CTU2: variants seen among roughly 807,000 people sequenced by gnomAD.
CTU2 encodes cytoplasmic tRNA 2-thiolation protein 2.
In CTU2, 80 loss-of-function variants were observed where a neutral mutation model predicts 64.1. The observed-to-expected ratio is 1.25, with a 90% CI of 1.04 to 1.50. The LOEUF (loss-of-function observed/expected upper bound fraction) is 1.50, where lower values mean the gene tolerates loss of function less well. CTU2 is among the 40% of genes most tolerant of loss of function. CTU2 has a pLI of 0.00. For synonymous variants in CTU2, 482 were observed against 285.3 expected (o/e 1.69, Z -6.95); for missense variants, 1,110 against 690.2 (o/e 1.61, Z -6.81).
intron 1 of CTU2, 66 bp from the exon 2 acceptor site, chr16:88,707,070 A>G (rs1910918379): frequency 6.6e-7 from 1 of 1,509,112 alleles, no homozygotes; most frequent in Non-Finnish European, 9.2e-7. Flanking sequence ...TGTCTCCCCA[A>G]AGCCCACTAG....
In CTU2 at chr16:88,714,891, C is replaced by G. The variant is rs755717100; in HGVS notation, c.1384C>G (p.Leu462Val). ...EDPQACIEEQ[L>V]CYSCRVNMKD... is the part of the protein sequence containing the mutation. ...CCCCCAAGCCTGCATTGAGGAGCAG[C>G]TGTGCTACAGCTGCCGCGTGAACAT... Residue 462 changes from leucine to valine, a missense_variant, in exon 13 of 15, where the codon CTG becomes GTG. Leu to Val is a conservative substitution (Grantham distance 32). Transcript: ENST00000453996. 6.2e-7 allele frequency: 1 copy of G among 1,612,540 alleles called. No individual in the cohort carries two copies. The highest frequency in any genetic ancestry group is 2.2e-5 in the East Asian group (1 of 44,898).
Position 88,709,917 on chromosome 16 carries a change from C to T in CTU2, c.144-21C>T, listed in dbSNP as rs750600769. On this transcript the variant is annotated intron_variant, in intron 2 of 14. Coordinates refer to ENST00000453996, the MANE Select transcript of CTU2 (RefSeq NM_001012759.3). ...CTGTGCGGGTAGCAGGCGGTTCCCT[C>T]ATCTCAGGTCTGTGTTGCAGGGACT... 31 of 1,610,742 alleles carry T rather than the reference C, an allele frequency of 1.9e-5. No individual in the cohort carries two copies. In the Admixed American group the frequency reaches 3.5e-4, roughly 18 times the overall value.
intron 9 of CTU2, 33 bp downstream of exon 9, chr16:88,713,811 C>G (rs376234801): frequency 5.6e-6 from 9 of 1,611,116 alleles, no homozygotes; most frequent in Non-Finnish European, 7.6e-6. Flanking sequence ...CCTCTCTCAC[C>G]ATTGACACCG....
intron 4 of CTU2, 44 bp from the exon 5 acceptor site, chr16:88,711,591 T>A: frequency 6.5e-7 from 1 of 1,547,076 alleles, no homozygotes; most frequent in Non-Finnish European, 8.8e-7. Context: ...AAGTGTCCTG[T>A]GGCTTATGGC....
chr16:88,707,299 T>G (rs1910948627), intron 2 of CTU2, 89 bp downstream of exon 2: 1 of 1,217,324 alleles, frequency 8.2e-7, no homozygotes, highest in Admixed American at 1.7e-5. Context: ...GTTAATTCTT[T>G]TTAAAAACAT....
At chr16:88,709,633 C>G (rs1911158783) in intron 2 of CTU2, 2 of 410,360 alleles carry the variant, frequency 4.9e-6, no homozygotes, top group Non-Finnish European at 8.9e-6. Flanking sequence ...CCAGCTGGGC[C>G]CTTCTGAGCG....
chr16:88,714,893 G>A lies in CTU2; in HGVS notation c.1386G>A (p.Leu462=), dbSNP rs1472328746. ...CCCAAGCCTGCATTGAGGAGCAGCT[G>A]TGCTACAGCTGCCGCGTGAACATGA... ...EDPQACIEEQ[L]CYSCRVNMKD... Residue 462 remains leucine, a synonymous_variant, in exon 13 of 15, where the codon CTG becomes CTA. Transcript: ENST00000453996. The A allele has an allele frequency of 3.1e-6, 5 of 1,612,674 alleles. No individual in the cohort carries two copies. The highest frequency in any genetic ancestry group is 1.7e-5 in the Admixed American group (1 of 60,022).
At chr16:88,710,361 G>A (rs1911218908) in intron 4 of CTU2, 79 bp downstream of exon 4, 1 of 1,495,632 alleles carries the variant, frequency 6.7e-7, no homozygotes, top group Non-Finnish European at 9.3e-7. Flanking sequence ...GCCTGCTGAG[G>A]GGCTCTTGGT....
rs1461194990 is a variant in CTU2, at chr16:88,709,975, G to A, written c.181G>A (p.Ala61Thr). 3 of 1,613,894 alleles carry A rather than the reference G, an allele frequency of 1.9e-6. No homozygotes were observed. The highest frequency in any genetic ancestry group is 2.7e-5 in the African/African-American group (2 of 74,944). ...GGCCTTCTACGTCCACAAGTTCAGA[G>A]CCATGCTGGGCAAGAACCGGCTCAT... ...FKAFYVHKFR[A>T]MLGKNRLIFP... is the part of the protein sequence containing the mutation. Residue 61 changes from alanine (A) to threonine (T), a missense_variant, in exon 3 of 15, where the codon GCC becomes ACC. Physicochemically the swap from Ala to Thr is moderately conservative, Grantham distance 58 (BLOSUM62 0). Transcript: ENST00000453996.
At chr16:88,715,157 G>A (rs756033165) in intron 14 of CTU2, 25 bp from the exon 15 acceptor site, 1 of 1,610,724 alleles carries the variant, frequency 6.2e-7, no homozygotes, top group South Asian at 1.1e-5. Context: ...CTCGGGGCTG[G>A]TGCCCACTGC....
chr16:88,715,305 C>T lies in CTU2; in HGVS notation c.*54C>T, dbSNP rs976725479. On this transcript the variant is annotated 3_prime_UTR_variant, in exon 15 of 15. Coordinates refer to ENST00000453996, the MANE Select transcript of CTU2 (RefSeq NM_001012759.3). ...GGCAGTGGCCACCTGGTACACCACA[C>T]TGGAGCCGGAAGGCAAGGACGGGGG... 1.4e-4 allele frequency: 217 copies of T among 1,575,356 alleles called. 1 individual carries two copies. Among genetic ancestry groups the T allele is most frequent in the African/African-American group, 3.1e-4 (23 of 74,198 alleles).
chr16:88,706,895 G>C lies in CTU2; in HGVS notation c.69-241G>C, dbSNP rs2142698477. The C allele has an allele frequency of 7.0e-6, 4 of 573,028 alleles. No individual in the cohort carries two copies. In the East Asian group the frequency reaches 1.1e-4, roughly 16 times the overall value. The allele number at this position is 573,028 out of a possible 1,614,324, so 35.5% of individuals were successfully genotyped here. On this transcript the variant is annotated intron_variant, in intron 1 of 14. Transcript: ENST00000453996. ...GTCTCGCCTCCCCGTGTCAGCCTTG[G>C]GAGACTGAAAAGCGGCCTTTATGTG...
chr16:88,712,712 C>T lies in CTU2; in HGVS notation c.544C>T (p.Leu182Phe), dbSNP rs1474953703. 2 of 1,610,154 alleles carry T rather than the reference C, an allele frequency of 1.2e-6. No homozygotes were observed. Among genetic ancestry groups the T allele is most frequent in the East Asian group, 4.5e-5 (2 of 44,860 alleles). The change falls in exon 7 of 15, where the codon CTC becomes TTC. Residue 182 changes from leucine (L) to phenylalanine (F), a missense_variant. Leu to Phe is a conservative substitution (Grantham distance 22). Transcript: ENST00000453996. ...GAYKAAVDSF[L>F]QQQHVLGAGG... ...CTACAAGGCGGCCGTGGACAGCTTC[C>T]TCCAGCAGCAGCATGTGCTGGGGGC...
At chr16:88,714,322 G>T in intron 10 of CTU2, 61 bp from the exon 11 acceptor site, 1 of 1,605,690 alleles carries the variant, frequency 6.2e-7, no homozygotes, top group South Asian at 1.1e-5. Flanking sequence ...GCTCAGGCCA[G>T]GGCTTAGGGT....
chr16:88,712,533 C>T (rs1332965139), intron 6 of CTU2, 89 bp from the exon 7 acceptor site: 5 of 1,527,862 alleles, frequency 3.3e-6, no homozygotes, highest in Middle Eastern at 2.4e-4. Context: ...AGCCTCACTG[C>T]CGTCTCCCGC....
rs368748040 is a variant in CTU2 at position 88,714,173 on chromosome 16, C to A, written c.1043C>A (p.Ala348Asp). 1 of 1,612,714 alleles carries A rather than the reference C, an allele frequency of 6.2e-7. No homozygotes were observed. ...EKASIHRLME[A>D]FILRLQTQFP... ...GCCAGCATCCACCGGCTGATGGAGGCCTTCATCCTCAGGCTGCAGACCCAG... is the reference window on the plus strand; with the variant it reads ...GCCAGCATCCACCGGCTGATGGAGGACTTCATCCTCAGGCTGCAGACCCAG... The change falls in exon 10 of 15, where the codon GCC (alanine) becomes GAC (aspartate). Residue 348 changes from alanine to aspartate, a missense_variant. Ala to Asp is a moderately radical substitution (Grantham distance 126, BLOSUM62 -2). Coordinates refer to ENST00000453996, the MANE Select transcript of CTU2 (RefSeq NM_001012759.3).
intron 1 of CTU2, 31 bp downstream of exon 1, chr16:88,706,629 GC>G: frequency 7.3e-7 from 1 of 1,364,512 alleles, no homozygotes; most frequent in Non-Finnish European, 9.4e-7. Context: ...CCGCCAGGCC[GC>G]CCCTCGCCTT....
chr16:88,714,486 G>A lies in CTU2; in HGVS notation c.1201G>A (p.Asp401Asn), dbSNP rs752187784. 1.9e-6 allele frequency: 3 copies of A among 1,612,664 alleles called. No homozygotes were observed. The highest frequency in any genetic ancestry group is 2.5e-6 in the Non-Finnish European group (3 of 1,179,882). Residue 401 changes from aspartate to asparagine, a missense_variant and splice_region_variant, in exon 11 of 15, where the codon GAC becomes AAC. Physicochemically the swap from Asp to Asn is conservative, Grantham distance 23. Transcript: ENST00000453996. ...GTGTGCCCTGGACGTCGACGCCGCT[G>A]GTCTGTGTTTCATGCTCTTGGGGTG... is the stretch of plus-strand genomic sequence containing the variant. ...CMCALDVDAA[D>N]SATAFGAQTS...
In CTU2 at chr16:88,712,815, C is replaced by T. The variant is rs146775425; in HGVS notation, c.647C>T (p.Pro216Leu). The change falls in exon 7 of 15, where the codon CCG becomes CTG. Residue 216 changes from proline (P) to leucine (L), a missense_variant. Coordinates refer to ENST00000453996, the MANE Select transcript of CTU2 (RefSeq NM_001012759.3). Reference protein sequence around the residue: ...PPLDPQNLARPPAPAQTEALS... With the variant: ...PPLDPQNLARLPAPAQTEALS... The stretch of plus-strand genomic sequence containing the variant: ...CTGGACCCCCAGAACCTGGCAAGAC[C>T]GCCTGCCCCTGCCCAGACTGAGGCT... 3.7e-5 allele frequency: 59 copies of T among 1,603,292 alleles called. No homozygotes were observed. Among genetic ancestry groups the T allele is most frequent in the African/African-American group, 5.4e-5 (4 of 74,646 alleles).
Sources: allele counts gnomAD v4.1 joint callset, GRCh38; gene constraint gnomAD v4.1.1; transcripts MANE v1.5; gene names NCBI Gene and HGNC (gene_info 2026-07-23, HGNC 2026-07-21).